Variants in FTCDNL1 observed in about 807,000 individuals in gnomAD.
The protein encoded by FTCDNL1 is formiminotransferase cyclodeaminase N-terminal like.
FTCDNL1 carries 11 observed loss-of-function variants against 5.9 expected under a neutral mutation model. That is an observed-to-expected ratio of 1.87 (90% CI 1.18 to 3.10). The LOEUF (loss-of-function observed/expected upper bound fraction) is 3.10. Ranked by LOEUF, FTCDNL1 falls within the 30% of genes most tolerant of loss-of-function variation. The pLI is 0.00. For missense variants in FTCDNL1, 115 were observed against 65.5 expected (o/e 1.76, Z -2.61); for synonymous variants, 58 against 24.8 (o/e 2.34, Z -3.99).
chr2:199,725,090 G>T, the FTCDNL1 span, among the ~76,000 whole-genome samples: 1 of 152,126 alleles, frequency 6.6e-6, no homozygotes, highest in African/African-American at 2.4e-5. Context: ...ATATATATAG[G>T]ATAGTTAGCT....
At chr2:199,693,529 T>C in the FTCDNL1 span, among the ~76,000 whole-genome samples, 1 of 152,224 alleles carries the variant, frequency 6.6e-6, no homozygotes, top group African/African-American at 2.4e-5. Context: ...CTTGGTATCT[T>C]AATTTTAGGA....
rs979896138 is a variant in FTCDNL1, at chr2:199,840,335, T to C, written c.211+5740A>G. 3.9e-5 allele frequency among the ~76,000 whole-genome samples: 6 copies of C among 152,300 alleles called. No individual in the cohort carries two copies. The East Asian group carries it at 7.7e-4, about 20-fold the overall frequency. ...AAGTTATGCAGAAAAGGTAAAATAA[T>C]AATAATGTTCTAAATGATTCATTGT... On this transcript the variant is annotated intron_variant, in intron 3 of 4. Coordinates refer to ENST00000420128, the MANE Select transcript of FTCDNL1 (RefSeq NM_001363886.2).
intron 2 of FTCDNL1, among the ~76,000 whole-genome samples, chr2:199,847,395 C>CT (rs1218994749): frequency 6.6e-6 from 1 of 152,074 alleles, no homozygotes; most frequent in Non-Finnish European, 1.5e-5. Flanking sequence ...AGTTTTTCAA[C>CT]ATACTCTAAC....
chr2:199,753,063 G>T, the FTCDNL1 span, among the ~76,000 whole-genome samples: 1 of 152,284 alleles, frequency 6.6e-6, no homozygotes, highest in African/African-American at 2.4e-5. Context: ...ACATGGTGGG[G>T]AGTGAAACGG....
intron 3 of FTCDNL1, among the ~76,000 whole-genome samples, chr2:199,837,581 G>A (rs923308869): frequency 1.3e-5 from 2 of 152,102 alleles, no homozygotes; most frequent in African/African-American, 4.8e-5. Context: ...TCTGTAATAA[G>A]GTAATCAAAG....
At chr2:199,808,065 C>G (rs1040560291), downstream of FTCDNL1, among the ~76,000 whole-genome samples, 1 of 152,052 alleles carries the variant, frequency 6.6e-6, no homozygotes, top group Non-Finnish European at 1.5e-5. Flanking sequence ...GTAGGTAGCA[C>G]CTCCCCACCA....
At chr2:199,719,478 CT>C in the FTCDNL1 span, among the ~76,000 whole-genome samples, 2 of 152,010 alleles carry the variant, frequency 1.3e-5, no homozygotes, top group South Asian at 4.1e-4. Context: ...AAACTTTGTT[CT>C]TTTTGCTTAG....
At chr2:199,801,820 C>T (rs1307905948) in intron 3 of FTCDNL1, among the ~76,000 whole-genome samples, 1 of 151,410 alleles carries the variant, frequency 6.6e-6, no homozygotes, top group Admixed American at 6.6e-5. Flanking sequence ...TGCCTGTAGT[C>T]CCAGCTATTC....
At chr2:199,816,105 G>C (rs950968779) in intron 4 of FTCDNL1, among the ~76,000 whole-genome samples, 1 of 152,200 alleles carries the variant, frequency 6.6e-6, no homozygotes, top group Non-Finnish European at 1.5e-5. Context: ...TTAGTAGAAA[G>C]TCTTAAACTC....
the FTCDNL1 span, among the ~76,000 whole-genome samples, chr2:199,723,188 C>T: frequency 6.6e-6 from 1 of 151,906 alleles, no homozygotes. Flanking sequence ...TCAGCTCCCA[C>T]TTATGAGTGA....
intron 3 of FTCDNL1, among the ~76,000 whole-genome samples, chr2:199,824,069 T>G (rs1390909837): frequency 6.6e-6 from 1 of 152,122 alleles, no homozygotes; most frequent in Non-Finnish European, 1.5e-5. Context: ...CCCACCTCGG[T>G]CTCCCAAAGT....
chr2:199,813,711 G>C (rs13401645), intron 4 of FTCDNL1, among the ~76,000 whole-genome samples: 13,490 of 151,886 alleles, frequency 0.089, 1,368 homozygotes, highest in East Asian at 0.27. Context: ...AGGAGTTCGA[G>C]ACCAGCCTGG....
At chr2:199,727,406 G>A in the FTCDNL1 span, among the ~76,000 whole-genome samples, 7 of 152,118 alleles carry the variant, frequency 4.6e-5, no homozygotes, top group Non-Finnish European at 8.8e-5. Flanking sequence ...CTGGTGGTGT[G>A]GACTCACAAG....
the FTCDNL1 span, among the ~76,000 whole-genome samples, chr2:199,747,026 AAC>A: frequency 0.086 from 12,468 of 145,732 alleles, 547 homozygotes; most frequent in Non-Finnish European, 0.1. Flanking sequence ...GTTTATTTAA[AAC>A]ACACACACAC....
At chr2:199,683,900 T>A in the FTCDNL1 span, among the ~76,000 whole-genome samples, 1 of 152,198 alleles carries the variant, frequency 6.6e-6, no homozygotes, top group Non-Finnish European at 1.5e-5. Context: ...ACCAGGAGAA[T>A]TAAGACATGC....
At chr2:199,753,013 A>G in the FTCDNL1 span, among the ~76,000 whole-genome samples, 3 of 152,172 alleles carry the variant, frequency 2.0e-5, no homozygotes, top group Non-Finnish European at 2.9e-5. Context: ...AGAAGCTTAT[A>G]GGGAGACTTT....
the FTCDNL1 span, among the ~76,000 whole-genome samples, chr2:199,713,143 T>C: frequency 6.6e-6 from 1 of 152,202 alleles, no homozygotes; most frequent in Non-Finnish European, 1.5e-5. Flanking sequence ...GTATTAGGTC[T>C]GGGTCTTAAA....
intron 3 of FTCDNL1, among the ~76,000 whole-genome samples, chr2:199,766,671 AACAGT>A (rs1698550833): frequency 6.6e-6 from 1 of 152,212 alleles, no homozygotes; most frequent in African/African-American, 2.4e-5. Flanking sequence ...CTATGTACAA[AACAGT>A]GCTTTTTTGG....
chr2:199,727,612 G>C, the FTCDNL1 span, among the ~76,000 whole-genome samples: 1 of 152,034 alleles, frequency 6.6e-6, no homozygotes, highest in Non-Finnish European at 1.5e-5. Flanking sequence ...GTCAGTCCCA[G>C]TGAGAGAACC....
Sources: allele counts gnomAD v4.1 joint callset (sites outside exome capture counted in the v4.1 genomes callset), GRCh38; gene constraint gnomAD v4.1.1; transcripts MANE v1.5; gene names NCBI Gene and HGNC (gene_info 2026-07-23, HGNC 2026-07-21).